The following ANKRD55 variants were observed in gnomAD, a reference collection of about 807,000 sequenced individuals.
ANKRD55 encodes ankyrin repeat domain 55.
Under a neutral mutation model 60.6 loss-of-function variants are expected in ANKRD55, and 41 were observed. That is an observed-to-expected ratio of 0.68 (90% CI 0.53 to 0.88). ANKRD55 has a LOEUF of 0.88. Ranked by LOEUF, ANKRD55 falls within the 40% of genes least tolerant of loss-of-function variation. ANKRD55 has a pLI of 0.00. For missense variants in ANKRD55, 732 were observed against 767.6 expected, an observed-to-expected ratio of 0.95 and a Z score of 0.55; for synonymous variants, 264 against 290.3, an observed-to-expected ratio of 0.91 and a Z score of 0.92.
chr5:56,191,874 G>T (rs939556458), intron 2 of ANKRD55, among the ~76,000 whole-genome samples: 1 of 152,112 alleles, frequency 6.6e-6, no homozygotes, highest in Non-Finnish European at 1.5e-5. Flanking sequence ...TCTAAGTTGC[G>T]GTCAATGCAA....
chr5:56,225,114 A>G (rs1333882956), intron 2 of ANKRD55, among the ~76,000 whole-genome samples: 3 of 152,210 alleles, frequency 2.0e-5, no homozygotes, highest in Admixed American at 1.3e-4. Flanking sequence ...ACCCAGCAGC[A>G]CATCAAAAAG....
At chr5:56,134,989 G>T (rs1390195339) in intron 7 of ANKRD55, among the ~76,000 whole-genome samples, 16 of 152,158 alleles carry the variant, frequency 1.1e-4, no homozygotes, top group Non-Finnish European at 1.8e-4. Flanking sequence ...GCAGGCTAAA[G>T]AAGAAGAATC....
At chr5:56,127,207 G>T in intron 7 of ANKRD55, 101 bp from the exon 8 acceptor site, 1 of 1,309,438 alleles carries the variant, frequency 7.6e-7, no homozygotes, top group Non-Finnish European at 9.8e-7. Context: ...AGGAAAGAAA[G>T]AAAGAAAGAA....
intron 8 of ANKRD55, among the ~76,000 whole-genome samples, chr5:56,118,618 C>A (rs1462268979): frequency 6.9e-6 from 1 of 145,368 alleles, no homozygotes; most frequent in African/African-American, 2.7e-5. Context: ...AGCGAGACTC[C>A]ATCTCAAAAA....
chr5:56,132,215 C>G (rs1757438967), intron 7 of ANKRD55, among the ~76,000 whole-genome samples: 1 of 151,200 alleles, frequency 6.6e-6, no homozygotes, highest in South Asian at 2.1e-4. Flanking sequence ...CTAGGGCAAT[C>G]ACTAAAAAAG....
At chr5:56,124,516 A>T (rs1032091432) in intron 8 of ANKRD55, among the ~76,000 whole-genome samples, 41 of 151,450 alleles carry the variant, frequency 2.7e-4, no homozygotes, top group Admixed American at 2.0e-3. Context: ...GTTTTTTTTA[A>T]TTTTTTTTTG....
chr5:56,103,675 C>G (rs1756360207), intron 10 of ANKRD55, among the ~76,000 whole-genome samples: 1 of 151,982 alleles, frequency 6.6e-6, no homozygotes, highest in East Asian at 1.9e-4. Context: ...AACTGGAGAA[C>G]AAGGGTAAAG....
rs1209908645 is a variant in ANKRD55 at position 56,116,656 on chromosome 5, G to A, written c.924C>T (p.Cys308=). ...GGAGTTTGACACACGCCGTGTGACCGCAGTACAGGGCATAGGCCAAGGGCG... is the reference window on the plus strand; with the variant it reads ...GGAGTTTGACACACGCCGTGTGACCACAGTACAGGGCATAGGCCAAGGGCG... ...ESTPLAYALY[C]GHTACVKLLS... Residue 308 remains cysteine, a synonymous_variant, in exon 9 of 12, where the codon TGC becomes TGT. Coordinates refer to ENST00000341048, the MANE Select transcript of ANKRD55 (RefSeq NM_024669.3). 7 of 1,607,828 alleles carry A rather than the reference G, an allele frequency of 4.4e-6. No individual in the cohort carries two copies. The South Asian group carries it at 5.5e-5, about 13-fold the overall frequency.
rs75300974 is a variant in ANKRD55, at chr5:56,161,144, AT to A, written c.423-1252del. On this transcript the variant is annotated intron_variant, in intron 5 of 11. Coordinates refer to ENST00000341048, the MANE Select transcript of ANKRD55 (RefSeq NM_024669.3). Reference sequence around the variant, plus strand: ...CTCCATCTCAGAATTGCCTGGAGAGATTTTTTTTTTTTTTAAACCACAAATA... The same window carrying A: ...CTCCATCTCAGAATTGCCTGGAGAGATTTTTTTTTTTTTAAACCACAAATA... Among the ~76,000 whole-genome samples, 778 of 145,152 alleles carry A rather than the reference AT, an allele frequency of 5.4e-3. 1 individual carries two copies. The highest frequency in any genetic ancestry group is 4.4e-3 in the Non-Finnish European group (291 of 65,546).
At chr5:56,175,474 A>G (rs1283447315) in intron 4 of ANKRD55, among the ~76,000 whole-genome samples, 2 of 152,188 alleles carry the variant, frequency 1.3e-5, no homozygotes, top group Non-Finnish European at 2.9e-5. Context: ...GGACCTCCCA[A>G]AAGGATTGCA....
chr5:56,126,311 A>G (rs1396799182), intron 8 of ANKRD55, among the ~76,000 whole-genome samples: 1 of 152,170 alleles, frequency 6.6e-6, no homozygotes, highest in Non-Finnish European at 1.5e-5. Context: ...CCTAACCAAA[A>G]CAGTTTAGAT....
intron 5 of ANKRD55, among the ~76,000 whole-genome samples, chr5:56,168,794 C>T (rs941651860): frequency 2.0e-5 from 3 of 152,218 alleles, no homozygotes; most frequent in African/African-American, 7.2e-5. Flanking sequence ...GCTTGGGTCC[C>T]TGAATTGCCA....
intron 2 of ANKRD55, among the ~76,000 whole-genome samples, chr5:56,205,154 G>T (rs1413841544): frequency 3.9e-5 from 6 of 152,100 alleles, no homozygotes; most frequent in Non-Finnish European, 8.8e-5. Context: ...TCCGCTTCCT[G>T]GGTCCGAACC....
chr5:56,217,491 C>T (rs1274982743), intron 2 of ANKRD55, among the ~76,000 whole-genome samples: 1 of 152,058 alleles, frequency 6.6e-6, no homozygotes, highest in Non-Finnish European at 1.5e-5. Flanking sequence ...GATAGTGATT[C>T]CTCTGATGGA....
At chr5:56,113,240 G>A (rs1012678870) in intron 9 of ANKRD55, among the ~76,000 whole-genome samples, 13 of 152,070 alleles carry the variant, frequency 8.5e-5, no homozygotes, top group African/African-American at 3.1e-4. Context: ...ACATCACAAC[G>A]TTATTTGTCT....
At chr5:56,130,368 C>T (rs919899923) in intron 7 of ANKRD55, among the ~76,000 whole-genome samples, 26 of 152,250 alleles carry the variant, frequency 1.7e-4, no homozygotes, top group African/African-American at 6.0e-4. Context: ...ATACCCAACT[C>T]CAGCCCACTC....
intron 2 of ANKRD55, among the ~76,000 whole-genome samples, chr5:56,205,866 G>C (rs1759492101): frequency 6.6e-6 from 1 of 152,094 alleles, no homozygotes; most frequent in Non-Finnish European, 1.5e-5. Flanking sequence ...AGTTATCCCT[G>C]ACACCCTGTA....
chr5:56,209,040 G>A (rs558829414), intron 2 of ANKRD55, among the ~76,000 whole-genome samples: 1 of 150,710 alleles, frequency 6.6e-6, no homozygotes, highest in East Asian at 2.0e-4. Flanking sequence ...TCACTGCAGC[G>A]TCCACCTCCT....
At chr5:56,185,780 C>T (rs1289518216) in intron 2 of ANKRD55, among the ~76,000 whole-genome samples, 4 of 152,088 alleles carry the variant, frequency 2.6e-5, no homozygotes, top group South Asian at 4.1e-4. Flanking sequence ...ATTGATCTTT[C>T]GTTGGCAGTG....
Sources: allele counts gnomAD v4.1 joint callset (sites outside exome capture counted in the v4.1 genomes callset), GRCh38; gene constraint gnomAD v4.1.1; transcripts MANE v1.5; gene names NCBI Gene and HGNC (gene_info 2026-07-23, HGNC 2026-07-21).